The following POLA1 variants were observed in gnomAD, a reference collection of about 807,000 sequenced individuals.
The protein encoded by POLA1 is DNA polymerase alpha catalytic subunit.
Under a neutral mutation model 124.0 loss-of-function variants are expected in POLA1, and 15 were observed. The observed-to-expected ratio is 0.12, with a 90% CI of 0.08 to 0.19. The LOEUF (loss-of-function observed/expected upper bound fraction) is 0.19, where lower values mean the gene tolerates loss of function less well. Ranked by LOEUF, POLA1 falls within the 10% of genes least tolerant of loss-of-function variation. The pLI is 1.00. For missense variants in POLA1, 886 were observed against 1,103.4 expected (o/e 0.80, Z 2.79); for synonymous variants, 408 against 389.4 (o/e 1.05, Z -0.56).
chrX:24,888,922 T>C (rs903468435), intron 35 of POLA1, among the ~76,000 whole-genome samples: 4 of 109,522 alleles, frequency 3.7e-5, no homozygotes, highest in African/African-American at 1.3e-4. Context: ...CAGGCTGGAG[T>C]GCAGTGGCGG....
chrX:24,784,899 G>A (rs980082343), intron 26 of POLA1, among the ~76,000 whole-genome samples: 1 of 110,946 alleles, frequency 9.0e-6, no homozygotes, highest in East Asian at 2.8e-4. Flanking sequence ...CAGAAAACAC[G>A]TAGCCATCAT....
chrX:24,740,386 A>G (rs1931558357), intron 20 of POLA1, among the ~76,000 whole-genome samples: 1 of 110,906 alleles, frequency 9.0e-6, no homozygotes, highest in Non-Finnish European at 1.9e-5. Context: ...CATCCTATCC[A>G]AGCTGCTATC....
intron 36 of POLA1, among the ~76,000 whole-genome samples, chrX:24,968,635 G>A (rs900415202): frequency 7.5e-5 from 8 of 106,988 alleles, no homozygotes; most frequent in Non-Finnish European, 1.4e-4. Context: ...CCCGGGAGGC[G>A]GAGCTTGCAG....
chrX:24,928,055 A>T (rs374404073), intron 35 of POLA1, among the ~76,000 whole-genome samples: 20 of 112,506 alleles, frequency 1.8e-4, no homozygotes, highest in African/African-American at 6.5e-4. Context: ...ACTTAATTGT[A>T]TTTGACATTG....
Position 24,717,297 on chromosome X carries a change from T to C in POLA1, c.714T>C (p.Asp238=). The change falls in exon 9 of 37, where the codon GAT becomes GAC. Residue 238 remains aspartate, a synonymous_variant. Transcript: ENST00000379068. The stretch of plus-strand genomic sequence containing the variant: ...GTGTGATGATGCCTACAGGCGATGA[T>C]GTACAGGTCGAGAGTACAGAAGAAG... ...PLKRAEFAGD[D]VQVESTEEEQ... 8.3e-7 allele frequency: 1 copy of C among 1,207,700 alleles called. No individual in the cohort carries two copies. The highest frequency in any genetic ancestry group is 1.1e-6 in the Non-Finnish European group (1 of 891,926).
intron 6 of POLA1, 33 bp from the exon 7 acceptor site, chrX:24,716,329 A>G: frequency 2.7e-6 from 2 of 738,101 alleles, no homozygotes; most frequent in Non-Finnish European, 4.3e-6. Context: ...TAAACCAAGC[A>G]TGGCAGTGAA....
chrX:24,734,997 A>G (rs996443771), intron 17 of POLA1, among the ~76,000 whole-genome samples: 1 of 111,971 alleles, frequency 8.9e-6, no homozygotes, highest in African/African-American at 3.3e-5. Context: ...ATTATTTTAT[A>G]CAATCCTTGG....
At position 24,996,035 on chromosome X, in the gene POLA1, C is replaced by A; in HGVS notation, c.*85C>A. 1 of 859,624 alleles carries A rather than the reference C, an allele frequency of 1.2e-6. No homozygotes were observed. Among genetic ancestry groups the A allele is most frequent in the Non-Finnish European group, 1.7e-6 (1 of 596,886 alleles). The allele number at this position is 859,624 out of a possible 1,213,427, so 70.8% of individuals were successfully genotyped here. ...TCCACTCTGGCCCTAAATGCTCCTC[C>A]AGCATCTGTTTCTCCCTTGGGACTG... On this transcript the variant is annotated 3_prime_UTR_variant, in exon 37 of 37. Transcript: ENST00000379068.
intron 29 of POLA1, 27 bp from the exon 30 acceptor site, chrX:24,814,952 G>GTTTTT: frequency 2.3e-6 from 2 of 867,758 alleles, no homozygotes; most frequent in Non-Finnish European, 3.1e-6. Context: ...TGCTGTCTTT[G>GTTTTT]TTTTGTTTTT....
intron 36 of POLA1, among the ~76,000 whole-genome samples, chrX:24,979,333 A>G (rs1245526134): frequency 1.8e-5 from 2 of 112,003 alleles, no homozygotes; most frequent in African/African-American, 6.5e-5. Context: ...ATTATAACCT[A>G]TTTAGATCCA....
intron 7 of POLA1, 89 bp from the exon 8 acceptor site, chrX:24,716,795 G>C: frequency 6.1e-6 from 3 of 488,448 alleles, no homozygotes; most frequent in Non-Finnish European, 6.9e-6. Context: ...TTTATAAAAG[G>C]GAACTGTCAT....
intron 26 of POLA1, among the ~76,000 whole-genome samples, chrX:24,758,816 A>G (rs906067720): frequency 9.0e-6 from 1 of 111,679 alleles, no homozygotes; most frequent in Non-Finnish European, 1.9e-5. Flanking sequence ...AGTAGCTGGG[A>G]CTACAGGCAC....
At position 24,741,441 on chromosome X, in the gene POLA1, C is replaced by G. The variant is rs750870047; in HGVS notation, c.2283C>G (p.Ile761Met). ...AAGATGCCAAGTTCATTTTGCAGAT[C>G]ATGTGTGAGCTAAATGTTCTTCCAT... Reference protein sequence around the residue: ...TWKDAKFILQIMCELNVLPLA... With the variant: ...TWKDAKFILQMMCELNVLPLA... The change falls in exon 21 of 37, where the codon ATC becomes ATG. Residue 761 changes from isoleucine to methionine, a missense_variant. By Grantham distance (10) the Ile-to-Met change is conservative. This residue lies in a region of POLA1 where 182 missense variants were observed against 252.8 expected (regional missense o/e 0.72). Transcript: ENST00000379068. 7.5e-6 allele frequency: 9 copies of G among 1,194,530 alleles called. No individual in the cohort carries two copies. Among genetic ancestry groups the G allele is most frequent in the Non-Finnish European group, 8.0e-6 (7 of 880,002 alleles).
chrX:24,841,125 T>C (rs2046402775), intron 32 of POLA1, among the ~76,000 whole-genome samples: 1 of 112,190 alleles, frequency 8.9e-6, no homozygotes, highest in African/African-American at 3.2e-5. Context: ...TGTTGCATTT[T>C]GTCTCAGATG....
chrX:24,885,099 T>C lies in POLA1; in HGVS notation c.4048-2907T>C, dbSNP rs923606580. On this transcript the variant is annotated intron_variant, in intron 34 of 36. Coordinates refer to ENST00000379068, the MANE Select transcript of POLA1 (RefSeq NM_001330360.2). ...AAAAGAACTCTATAGTTTTTGAACA[T>C]TATATTTTAAAAATTAAATAATTTT... 2.7e-5 allele frequency among the ~76,000 whole-genome samples: 3 copies of C among 112,348 alleles called. No homozygotes were observed. In the East Asian group the frequency reaches 8.3e-4, roughly 31 times the overall value.
intron 32 of POLA1, among the ~76,000 whole-genome samples, chrX:24,836,100 G>A (rs1410074951): frequency 3.6e-5 from 4 of 111,818 alleles, no homozygotes; most frequent in African/African-American, 1.3e-4. Flanking sequence ...ACATAGATGA[G>A]GTGGATTTTT....
chrX:24,907,105 C>A (rs2047379350), intron 35 of POLA1, among the ~76,000 whole-genome samples: 1 of 111,356 alleles, frequency 9.0e-6, no homozygotes, highest in African/African-American at 3.3e-5. Flanking sequence ...ACACGAGAAT[C>A]ATTTAAACCC....
At chrX:24,763,000 A>C (rs919795099) in intron 26 of POLA1, among the ~76,000 whole-genome samples, 9 of 111,483 alleles carry the variant, frequency 8.1e-5, no homozygotes, top group Non-Finnish European at 1.3e-4. Context: ...AGCCTCCCGA[A>C]GTGCTGGGAT....
intron 26 of POLA1, chrX:24,788,249 G>A: frequency 1.6e-6 from 1 of 611,645 alleles, no homozygotes. Context: ...CAAGCCCACA[G>A]CTAACATCAT....
Sources: gnomAD v4.1 joint callset for allele counts (sites outside exome capture counted in the v4.1 genomes callset) on GRCh38, gnomAD v4.1.1 for gene constraint, gnomAD v4.1.1 regional missense constraint, MANE v1.5 for transcripts, NCBI Gene and HGNC (gene_info 2026-07-23, HGNC 2026-07-21) for gene names.